Variants in UHRF1 observed in about 807,000 individuals in gnomAD.
UHRF1 encodes the protein E3 ubiquitin-protein ligase UHRF1.
A neutral mutation model predicts 96.5 loss-of-function variants in UHRF1; 9 were observed. The observed-to-expected ratio is 0.09, with a 90% confidence interval of 0.06 to 0.16. UHRF1 has a LOEUF of 0.16. Ranked by LOEUF, UHRF1 falls within the 10% of genes least tolerant of loss-of-function variation. The pLI is 1.00. For synonymous variants in UHRF1, 455 were observed against 469.9 expected, an observed-to-expected ratio of 0.97 and a Z score of 0.41; for missense variants, 626 against 1,131.1, an observed-to-expected ratio of 0.55 and a Z score of 6.40.
chr19:4,924,486 G>A (rs1201616919), intron 2 of UHRF1, among the ~76,000 whole-genome samples: 1 of 152,232 alleles, frequency 6.6e-6, no homozygotes, highest in African/African-American at 2.4e-5. Flanking sequence ...GTTTGGCAAT[G>A]TTGCCCAGGC....
At position 4,938,730 on chromosome 19, in the gene UHRF1, G is replaced by GTTTTTTTTTTTTTTTTTTTTTTTTT. The variant is rs71170880; in HGVS notation, c.786-2791_786-2767dup. ...GGCATAAGAGTTTTGTTTTGGTCAG[G>GTTTTTTTTTTTTTTTTTTTTTTTTT]TTTTTTTTTTTTTTTTTTTTTTTTT... On this transcript the variant is annotated intron_variant, in intron 5 of 16. Transcript: ENST00000650932. Among the ~76,000 whole-genome samples the GTTTTTTTTTTTTTTTTTTTTTTTTT allele has an allele frequency of 3.2e-4, 20 of 61,588 alleles. 3 individuals carry two copies. Among genetic ancestry groups the GTTTTTTTTTTTTTTTTTTTTTTTTT allele is most frequent in the Middle Eastern group, 0.016 (1 of 64 alleles). 40.4% of individuals were successfully genotyped at this position (61,588 alleles called of 152,430 possible).
In UHRF1 at chr19:4,954,483, C is replaced by T. The variant is rs781633990; in HGVS notation, c.1952C>T (p.Ser651Leu). Reference protein sequence around the residue: ...RTGKGKWKRKSAGGGPSRAGS... With the variant: ...RTGKGKWKRKLAGGGPSRAGS... The stretch of plus-strand genomic sequence containing the variant: ...GGCAAGGGCAAGTGGAAGCGGAAGT[C>T]GGCAGGTGAGAATCTCGTGGGTGTG... The change falls in exon 14 of 17, where the codon TCG becomes TTG. Residue 651 changes from serine (S) to leucine (L), a missense_variant. Physicochemically the swap from Ser to Leu is moderately radical, Grantham distance 145 (BLOSUM62 -2). This residue lies in a region of UHRF1 where 90 missense variants were observed against 94.7 expected (regional missense o/e 0.95). Coordinates refer to ENST00000650932, the MANE Select transcript of UHRF1 (RefSeq NM_001048201.3). This position sits in a 1 kb window ranked among gnomAD's most constrained non-coding sequence, Gnocchi z 5.9. 6.2e-5 allele frequency: 99 copies of T among 1,608,216 alleles called. No individual in the cohort carries two copies. The highest frequency in any genetic ancestry group is 8.4e-5 in the Admixed American group (5 of 59,598).
At chr19:4,944,543 G>C (rs2602730) in intron 9 of UHRF1, 93 bp downstream of exon 9, 1 of 1,411,648 alleles carries the variant, frequency 7.1e-7, no homozygotes, top group South Asian at 1.2e-5. Flanking sequence ...CCAGGGGTCA[G>C]GGTGGTTACC....
chr19:4,951,916 G>C (rs1292769412), intron 13 of UHRF1, among the ~76,000 whole-genome samples: 2 of 152,132 alleles, frequency 1.3e-5, no homozygotes, highest in Admixed American at 6.6e-5. Flanking sequence ...CAGACGAATC[G>C]TGAGACTATT....
At chr19:4,924,026 G>C (rs1392307218) in intron 2 of UHRF1, among the ~76,000 whole-genome samples, 2 of 152,238 alleles carry the variant, frequency 1.3e-5, no homozygotes, top group Admixed American at 6.5e-5. Flanking sequence ...GAGTGCAGTG[G>C]CGAGATCCTG....
Position 4,929,492 on chromosome 19 carries a change from G to A in UHRF1, c.408+16G>A, listed in dbSNP as rs775243275. 1.4e-5 allele frequency: 23 copies of A among 1,603,606 alleles called. No individual in the cohort carries two copies. The highest frequency in any genetic ancestry group is 1.7e-4 in the Middle Eastern group (1 of 5,846). On this transcript the variant is annotated intron_variant, in intron 3 of 16. Transcript: ENST00000650932. Reference sequence around the variant, plus strand: ...GCTGTACAAGGTGAGCCTCCCCTCCGCAGCTGCTCTGGGGTTGGACGTTCT... The same window carrying A: ...GCTGTACAAGGTGAGCCTCCCCTCCACAGCTGCTCTGGGGTTGGACGTTCT...
At chr19:4,905,283 AT>A (rs942874766), upstream of UHRF1, among the ~76,000 whole-genome samples, 741 of 146,084 alleles carry the variant, frequency 5.1e-3, 5 homozygotes, top group Non-Finnish European at 7.5e-3. Flanking sequence ...TGCCCGGCTA[AT>A]TTTTTTTTGT....
chr19:4,939,484 A>G (rs965016468), intron 5 of UHRF1, among the ~76,000 whole-genome samples: 2 of 151,938 alleles, frequency 1.3e-5, no homozygotes, highest in Admixed American at 1.3e-4. Flanking sequence ...GGCTGAAGCA[A>G]TTCTCCTGCC....
chr19:4,934,838 G>C (rs2033170456), intron 5 of UHRF1, among the ~76,000 whole-genome samples: 1 of 152,152 alleles, frequency 6.6e-6, no homozygotes, highest in Non-Finnish European at 1.5e-5. Flanking sequence ...CCTCCTCACT[G>C]AGTCTGGGCC....
At chr19:4,951,162 T>G (rs2033708335) in intron 13 of UHRF1, among the ~76,000 whole-genome samples, 166 bp downstream of exon 13, 1 of 152,010 alleles carries the variant, frequency 6.6e-6, no homozygotes, top group South Asian at 2.1e-4. Flanking sequence ...GCTACTGAGG[T>G]GGCTGAGGCA....
chr19:4,935,194 C>G (rs1015241453), intron 5 of UHRF1, among the ~76,000 whole-genome samples: 3 of 152,132 alleles, frequency 2.0e-5, no homozygotes, highest in African/African-American at 7.2e-5. Flanking sequence ...TCTTGAACTC[C>G]TGACCTCAGG....
chr19:4,905,718 G>A (rs540032823), upstream of UHRF1, among the ~76,000 whole-genome samples: 6 of 151,860 alleles, frequency 4.0e-5, no homozygotes, highest in Admixed American at 6.6e-5. Context: ...GGGTTTCACC[G>A]TGTTAGCCAG....
At chr19:4,937,643 C>T (rs1047583820) in intron 5 of UHRF1, among the ~76,000 whole-genome samples, 7 of 152,082 alleles carry the variant, frequency 4.6e-5, no homozygotes, top group South Asian at 2.1e-4. Flanking sequence ...GGATTATAGG[C>T]GTGAGCCACT....
At chr19:4,914,240 T>TTGGACAGTGGCGGGAAGGC (rs1419008533) in intron 2 of UHRF1, among the ~76,000 whole-genome samples, 3 of 152,090 alleles carry the variant, frequency 2.0e-5, no homozygotes, top group African/African-American at 7.2e-5. Context: ...GCAGGGAGGT[T>TTGGACAGTGGCGGGAAGGC]TGGACAGTGG....
chr19:4,928,529 C>T (rs1373071547), intron 2 of UHRF1, among the ~76,000 whole-genome samples: 1 of 152,196 alleles, frequency 6.6e-6, no homozygotes, highest in African/African-American at 2.4e-5. Flanking sequence ...GGGTTGAGCG[C>T]ATCAGGATAA....
In UHRF1 at chr19:4,930,819, G is replaced by T; in HGVS notation, c.512G>T (p.Ser171Ile). 6.2e-7 allele frequency: 1 copy of T among 1,613,980 alleles called. No individual in the cohort carries two copies. The highest frequency in any genetic ancestry group is 1.3e-5 in the African/African-American group (1 of 75,060). The stretch of plus-strand genomic sequence containing the variant: ...GCCCCCTCCCGGGACGAGCCCTGCA[G>T]CTCCACGTCCAGGCCGGCGCTGGAG... ...RKAPSRDEPC[S>I]STSRPALEED... The change falls in exon 4 of 17, where the codon AGC becomes ATC. Residue 171 changes from serine (S) to isoleucine (I), a missense_variant. Ser to Ile is a moderately radical substitution (Grantham distance 142). This residue lies in a region of UHRF1 where 198 missense variants were observed against 235.1 expected (regional missense o/e 0.84). Coordinates refer to ENST00000650932, the MANE Select transcript of UHRF1 (RefSeq NM_001048201.3). This position sits in a 1 kb window ranked among gnomAD's most constrained non-coding sequence, Gnocchi z 4.4.
At chr19:4,951,319 A>G (rs3826927) in intron 13 of UHRF1, among the ~76,000 whole-genome samples, 45,614 of 151,992 alleles carry the variant, frequency 0.3, 7,216 homozygotes, top group Admixed American at 0.41. Flanking sequence ...CCGCCTGGGC[A>G]CCATGTGTCC....
At chr19:4,957,309 T>C (rs1404036854) in intron 16 of UHRF1, among the ~76,000 whole-genome samples, 1 of 137,874 alleles carries the variant, frequency 7.3e-6, no homozygotes, top group Non-Finnish European at 1.6e-5. Context: ...TTTTTTTTTT[T>C]TTTTTTTTTT....
intron 2 of UHRF1, among the ~76,000 whole-genome samples, chr19:4,918,498 A>G (rs533324281): frequency 1.2e-4 from 18 of 150,074 alleles, no homozygotes; most frequent in African/African-American, 3.4e-4. Context: ...GCTCACCGCA[A>G]CCTCCACCTC....
Sources: gnomAD v4.1 joint callset for allele counts (sites outside exome capture counted in the v4.1 genomes callset) on GRCh38, gnomAD v4.1.1 for gene constraint, gnomAD v4.1.1 regional missense constraint, Gnocchi (gnomAD v3.1) non-coding constraint, MANE v1.5 for transcripts, NCBI Gene and HGNC (gene_info 2026-07-23, HGNC 2026-07-21) for gene names.